The following ZNF469 variants were observed in gnomAD, a reference collection of about 807,000 sequenced individuals.
ZNF469 encodes zinc finger protein 469.
ZNF469 carries 1 observed loss-of-function variant against 1.0 expected under a neutral mutation model. The observed-to-expected ratio is 1.00, with a 90% CI of 0.35 to 4.73. The LOEUF is 4.73. Ranked by LOEUF, ZNF469 falls within the 30% of genes most tolerant of loss-of-function variation. ZNF469 has a pLI of 0.16. For synonymous variants in ZNF469, 2,703 were observed against 2,363.4 expected, an observed-to-expected ratio of 1.14 and a Z score of -4.17; for missense variants, 6,100 against 5,356.3, an observed-to-expected ratio of 1.14 and a Z score of -4.33.
At chr16:88,226,310 T>A in the ZNF469 span, among the ~76,000 whole-genome samples, 9 of 151,066 alleles carry the variant, frequency 6.0e-5, no homozygotes, top group African/African-American at 2.2e-4. Flanking sequence ...TGAGGTGAGG[T>A]CGTTAGGGTG....
upstream of ZNF469, among the ~76,000 whole-genome samples, chr16:88,378,755 C>T (rs1031217582): frequency 2.0e-5 from 3 of 152,214 alleles, no homozygotes; most frequent in South Asian, 6.2e-4. Context: ...TTTGCATCCT[C>T]CAGCCTCAGC....
At chr16:88,184,363 C>T in the ZNF469 span, among the ~76,000 whole-genome samples, 1 of 152,060 alleles carries the variant, frequency 6.6e-6, no homozygotes, top group African/African-American at 2.4e-5. Context: ...CAGGAGGGCG[C>T]CGTGATTAAA....
At chr16:88,193,234 ATGGTGGTGGTGG>A in the ZNF469 span, among the ~76,000 whole-genome samples, 1 of 40,202 alleles carries the variant, frequency 2.5e-5, no homozygotes, top group East Asian at 1.0e-3. Context: ...GGTGGTGGGG[ATGGTGGTGGTGG>A]TGATGGTGGT....
the ZNF469 span, among the ~76,000 whole-genome samples, chr16:88,189,233 A>G: frequency 6.6e-6 from 1 of 152,182 alleles, no homozygotes; most frequent in Non-Finnish European, 1.5e-5. The surrounding 1 kb of genome is among the most constrained non-coding windows in gnomAD (Gnocchi z 4.3). Flanking sequence ...ACCCAAATGC[A>G]TGTCTCCAGA....
the ZNF469 span, among the ~76,000 whole-genome samples, chr16:88,270,881 T>G: frequency 6.6e-6 from 1 of 152,242 alleles, no homozygotes; most frequent in Admixed American, 6.5e-5. Flanking sequence ...TATTCTATCA[T>G]TTATTCATTC....
chr16:88,426,790 G>A (rs991874154), intron 2 of ZNF469, among the ~76,000 whole-genome samples: 1 of 150,878 alleles, frequency 6.6e-6, no homozygotes, highest in Non-Finnish European at 1.5e-5. Flanking sequence ...GGGAGTCCCC[G>A]CTTGGAACCA....
At chr16:88,251,024 C>G in the ZNF469 span, among the ~76,000 whole-genome samples, 2 of 152,090 alleles carry the variant, frequency 1.3e-5, no homozygotes, top group African/African-American at 2.4e-5. Context: ...ACTACAGGCA[C>G]CTGCCAACAC....
Position 88,436,895 on chromosome 16 carries a change from C to T in ZNF469, c.9425C>T (p.Pro3142Leu), listed in dbSNP as rs541252488. The T allele has an allele frequency of 1.0e-5, 15 of 1,502,374 alleles. No individual in the cohort carries two copies. In the South Asian group the frequency reaches 1.0e-4, roughly 10 times the overall value. 93.1% of individuals were successfully genotyped at this position (1,502,374 alleles called of 1,614,324 possible). Residue 3142 changes from proline to leucine, a missense_variant, in exon 3 of 3, where the codon CCG becomes CTG. Physicochemically the swap from Pro to Leu is moderately conservative, Grantham distance 98. Transcript: ENST00000565624. Reference protein sequence around the residue: ...LHKLAHTPAPPPTCYMCVERR... With the variant: ...LHKLAHTPAPLPTCYMCVERR... Reference sequence around the variant, plus strand: ...AAGCTGGCCCACACGCCCGCGCCGCCGCCCACCTGCTACATGTGCGTGGAG... The same window carrying T: ...AAGCTGGCCCACACGCCCGCGCCGCTGCCCACCTGCTACATGTGCGTGGAG...
intron 1 of ZNF469, among the ~76,000 whole-genome samples, chr16:88,401,918 G>A (rs1904885889): frequency 2.2e-5 from 3 of 136,922 alleles, no homozygotes; most frequent in Admixed American, 7.1e-5. Context: ...AGGGATGGAT[G>A]GATGGATGGA....
At chr16:88,356,268 T>A in the ZNF469 span, among the ~76,000 whole-genome samples, 10 of 152,054 alleles carry the variant, frequency 6.6e-5, no homozygotes, top group African/African-American at 2.4e-4. Flanking sequence ...GTGGTCAGGG[T>A]CCAAGGTCCA....
At chr16:88,336,370 CACTA>C in the ZNF469 span, among the ~76,000 whole-genome samples, 1 of 151,336 alleles carries the variant, frequency 6.6e-6, no homozygotes, top group African/African-American at 2.4e-5. Context: ...TCACGTGAGA[CACTA>C]ACATGCCAAC....
chr16:88,159,710 A>G, the ZNF469 span, among the ~76,000 whole-genome samples: 2 of 151,924 alleles, frequency 1.3e-5, no homozygotes, highest in South Asian at 2.1e-4. Context: ...ATTTAAAATT[A>G]TTTGCTGCAT....
At chr16:88,339,883 GGGCCTGGCCAT>G in the ZNF469 span, among the ~76,000 whole-genome samples, 29,828 of 145,588 alleles carry the variant, frequency 0.2, 4,070 homozygotes, top group African/African-American at 0.38. Flanking sequence ...GAGTGGCAGG[GGGCCTGGCCAT>G]GGCAAAGCCC....
At chr16:88,302,135 C>T in the ZNF469 span, among the ~76,000 whole-genome samples, 2 of 152,208 alleles carry the variant, frequency 1.3e-5, no homozygotes, top group Non-Finnish European at 1.5e-5. Flanking sequence ...TGGCCCTGTT[C>T]TTCCTGGGTA....
At chr16:88,139,060 A>C in the ZNF469 span, among the ~76,000 whole-genome samples, 7 of 152,260 alleles carry the variant, frequency 4.6e-5, no homozygotes, top group Non-Finnish European at 8.8e-5. Flanking sequence ...TCCATAGACA[A>C]GCTTGAAAGA....
At chr16:88,224,847 G>T in the ZNF469 span, among the ~76,000 whole-genome samples, 1 of 152,174 alleles carries the variant, frequency 6.6e-6, no homozygotes, top group Non-Finnish European at 1.5e-5. Context: ...TCTGTGAAGC[G>T]CCCAGTGGGT....
At chr16:88,365,168 T>C in the ZNF469 span, among the ~76,000 whole-genome samples, 1 of 152,222 alleles carries the variant, frequency 6.6e-6, no homozygotes, top group Admixed American at 6.5e-5. Context: ...AGCTGAGTAA[T>C]CTCGAGCAGA....
At chr16:88,419,064 G>A (rs888012636) in intron 1 of ZNF469, among the ~76,000 whole-genome samples, 10 of 152,212 alleles carry the variant, frequency 6.6e-5, no homozygotes, top group Non-Finnish European at 1.2e-4. Flanking sequence ...GATGAAGGCC[G>A]GGGCACAGCC....
At chr16:88,111,527 C>A in the ZNF469 span, among the ~76,000 whole-genome samples, 1 of 148,696 alleles carries the variant, frequency 6.7e-6, no homozygotes, top group Non-Finnish European at 1.5e-5. Flanking sequence ...TAACATCCCC[C>A]CCACTTCCCT....
Sources: gnomAD v4.1 joint callset for allele counts (sites outside exome capture counted in the v4.1 genomes callset) on GRCh38, gnomAD v4.1.1 for gene constraint, Gnocchi (gnomAD v3.1) non-coding constraint, MANE v1.5 for transcripts, NCBI Gene and HGNC (gene_info 2026-07-23, HGNC 2026-07-21) for gene names.